Variants in PARP14 observed in about 807,000 individuals in gnomAD.
PARP14 encodes the protein poly(ADP-ribose) polymerase family member 14, also known as protein mono-ADP-ribosyltransferase PARP14.
PARP14 carries 59 observed loss-of-function variants against 154.2 expected under a neutral mutation model. The observed-to-expected ratio is 0.38, with a 90% confidence interval of 0.31 to 0.48. PARP14 has a LOEUF of 0.48. PARP14 is among the 20% of genes least tolerant of loss of function. The pLI, the probability that PARP14 is intolerant of heterozygous loss-of-function variation, is 0.98. For missense variants in PARP14, 1,734 were observed against 2,131.6 expected (o/e 0.81, Z 3.67); for synonymous variants, 720 against 780.5 (o/e 0.92, Z 1.29).
intron 12 of PARP14, 51 bp from the exon 13 acceptor site, chr3:122,718,020 T>A (rs1933041000): frequency 5.7e-6 from 8 of 1,414,298 alleles, no homozygotes; most frequent in Non-Finnish European, 8.0e-6. Flanking sequence ...TCCTCAGCCT[T>A]CCACTTGGGG....
intron 8 of PARP14, among the ~76,000 whole-genome samples, chr3:122,707,864 A>G (rs1265425346): frequency 6.6e-6 from 1 of 152,224 alleles, no homozygotes; most frequent in Non-Finnish European, 1.5e-5. Flanking sequence ...ATACTCCAAC[A>G]CATGGATACA....
At chr3:122,714,511 G>GAC in intron 12 of PARP14, 82 bp downstream of exon 12, 2 of 1,111,868 alleles carry the variant, frequency 1.8e-6, no homozygotes, top group Non-Finnish European at 2.5e-6. Context: ...AATGCGGTCA[G>GAC]TGCTGAGTCT....
In PARP14 at chr3:122,699,801, A is replaced by C. The variant is rs748234553; in HGVS notation, c.1247A>C (p.Asp416Ala). 1 of 1,613,876 alleles carries C rather than the reference A, an allele frequency of 6.2e-7. No homozygotes were observed. Among genetic ancestry groups the C allele is most frequent in the African/African-American group, 1.3e-5 (1 of 74,936 alleles). Residue 416 changes from aspartate to alanine, a missense_variant, in exon 6 of 17, where the codon GAT (aspartate) becomes GCT (alanine). Asp to Ala is a moderately radical substitution (Grantham distance 126). Transcript: ENST00000474629. The part of the protein sequence containing the change: ...DPTMWDTIKN[D>A]VKDDRILIEF... ...ACAATGTGGGACACCATAAAAAATG[A>C]TGTGAAAGATGACAGGATTTTGATT... is the stretch of plus-strand genomic sequence containing the variant.
At chr3:122,727,333 C>G (rs897024417) in intron 15 of PARP14, among the ~76,000 whole-genome samples, 1 of 152,238 alleles carries the variant, frequency 6.6e-6, no homozygotes, top group African/African-American at 2.4e-5. Flanking sequence ...GGTCTTCCAA[C>G]TGGACCAGAG....
At chr3:122,717,102 A>G (rs1933020646) in intron 12 of PARP14, among the ~76,000 whole-genome samples, 1 of 152,226 alleles carries the variant, frequency 6.6e-6, no homozygotes, top group African/African-American at 2.4e-5. Flanking sequence ...AGATTTGAAC[A>G]ACCCCCCTTG....
intron 5 of PARP14, among the ~76,000 whole-genome samples, chr3:122,697,550 C>G (rs1938817853): frequency 6.6e-6 from 1 of 152,170 alleles, no homozygotes; most frequent in Admixed American, 6.5e-5. Flanking sequence ...TTTCACCATT[C>G]ACAATGGGTT....
At chr3:122,721,975 A>G (rs1471320727) in intron 15 of PARP14, 1 of 152,242 alleles carries the variant, frequency 6.6e-6, no homozygotes, top group Non-Finnish European at 1.5e-5. Flanking sequence ...GTTCTCAAAA[A>G]TATATAACAT....
Position 122,692,347 on chromosome 3 carries a change from A to T in PARP14, c.402A>T (p.Leu134Phe), listed in dbSNP as rs1402128186. ...LDTKLPLDGG[L>F]DKMEDIPEEC... The stretch of plus-strand genomic sequence containing the variant: ...CAAAACTCCCTCTTGATGGTGGATT[A>T]GACAAAATGGAAGATATCCCAGAGG... The change falls in exon 4 of 17, where the codon TTA (leucine) becomes TTT (phenylalanine). Residue 134 changes from leucine to phenylalanine, a missense_variant. By Grantham distance (22) the Leu-to-Phe change is conservative. Transcript: ENST00000474629. 5 of 1,613,112 alleles carry T rather than the reference A, an allele frequency of 3.1e-6. No homozygotes were observed. Among genetic ancestry groups the T allele is most frequent in the Non-Finnish European group, 4.2e-6 (5 of 1,179,102 alleles).
chr3:122,721,189 C>T, intron 15 of PARP14: 1 of 274,756 alleles, frequency 3.6e-6, no homozygotes, highest in Non-Finnish European at 7.1e-6. Context: ...TATATTTACC[C>T]TTCTTGGATT....
At chr3:122,687,466 C>A (rs768619262) in intron 3 of PARP14, among the ~76,000 whole-genome samples, 1 of 152,220 alleles carries the variant, frequency 6.6e-6, no homozygotes, top group Non-Finnish European at 1.5e-5. Flanking sequence ...AAGGGAGTCA[C>A]ATGTGGCTTA....
At chr3:122,704,305 C>T (rs1475116160) in intron 7 of PARP14, among the ~76,000 whole-genome samples, 2 of 152,188 alleles carry the variant, frequency 1.3e-5, no homozygotes, top group African/African-American at 4.8e-5. Context: ...ACAGTAGTTG[C>T]TTTGCTTCTT....
chr3:122,710,729 A>AC (rs1939296717), intron 9 of PARP14, among the ~76,000 whole-genome samples: 1 of 151,932 alleles, frequency 6.6e-6, no homozygotes, highest in Non-Finnish European at 1.5e-5. Context: ...TTCTTTGACC[A>AC]GTGTTTTGTA....
chr3:122,720,863 T>C (rs950294985), intron 15 of PARP14: 8 of 456,584 alleles, frequency 1.8e-5, no homozygotes, highest in Non-Finnish European at 2.6e-5. Context: ...GTCCCAGCTA[T>C]TGGGAGGCTG....
intron 3 of PARP14, among the ~76,000 whole-genome samples, chr3:122,690,170 G>C (rs1394751593): frequency 6.6e-6 from 1 of 152,074 alleles, no homozygotes; most frequent in Non-Finnish European, 1.5e-5. Context: ...GTCTAATATT[G>C]ATGGGATTAT....
rs183812664 is a variant in PARP14, at chr3:122,690,376, G to A, written c.356-1925G>A. On this transcript the variant is annotated intron_variant, in intron 3 of 16. Coordinates refer to ENST00000474629, the MANE Select transcript of PARP14 (RefSeq NM_017554.3). ...TCACTTAGTGCTAATTTATGTAGTT[G>A]CTTTATGCTTAAGCTATTTTTTTTT... Among the ~76,000 whole-genome samples, 144 of 152,216 alleles carry A rather than the reference G, an allele frequency of 9.5e-4. 2 individuals are homozygous for A. Among genetic ancestry groups the A allele is most frequent in the Admixed American group, 2.4e-3 (37 of 15,286 alleles).
At chr3:122,719,081 A>G in intron 14 of PARP14, 123 bp downstream of exon 14, 2 of 989,308 alleles carry the variant, frequency 2.0e-6, no homozygotes, top group South Asian at 2.0e-5. Context: ...GAAATAAACT[A>G]GAAAATGTGG....
At chr3:122,685,510 CTTT>C (rs10711299) in intron 2 of PARP14, among the ~76,000 whole-genome samples, 192 bp downstream of exon 2, 16 of 137,250 alleles carry the variant, frequency 1.2e-4, no homozygotes, top group African/African-American at 1.6e-4. Context: ...GGAGGGGGTA[CTTT>C]TTTTTTTTTT....
intron 1 of PARP14, among the ~76,000 whole-genome samples, chr3:122,683,716 AT>A (rs1336615835): frequency 6.6e-6 from 1 of 152,146 alleles, no homozygotes; most frequent in Non-Finnish European, 1.5e-5. Context: ...CTTTTTGGAG[AT>A]CATATACCCA....
rs1425652940 is a variant in PARP14, at chr3:122,687,132, T to G, written c.355+19T>G. 4 of 1,575,282 alleles carry G rather than the reference T, an allele frequency of 2.5e-6. No individual in the cohort carries two copies. The highest frequency in any genetic ancestry group is 3.5e-6 in the Non-Finnish European group (4 of 1,152,416). ...GAACCAGGTAAAATCTCAGTTGAGA[T>G]GACTCTGACATTCACCAAGCTGTTT... is the stretch of plus-strand genomic sequence containing the variant. On this transcript the variant is annotated intron_variant, in intron 3 of 16. Transcript: ENST00000474629.
Sources: gnomAD v4.1 joint callset for allele counts (sites outside exome capture counted in the v4.1 genomes callset) on GRCh38, gnomAD v4.1.1 for gene constraint, MANE v1.5 for transcripts, NCBI Gene and HGNC (gene_info 2026-07-23, HGNC 2026-07-21) for gene names.